TTC3: variants seen among roughly 807,000 people sequenced by gnomAD.
The protein encoded by TTC3 is tetratricopeptide repeat domain 3, also known as E3 ubiquitin-protein ligase TTC3.
A neutral mutation model predicts 249.6 loss-of-function variants in TTC3; 180 were observed. The observed-to-expected ratio is 0.72, with a 90% CI of 0.64 to 0.82. TTC3 has a LOEUF of 0.82. TTC3 is among the 40% of genes least tolerant of loss of function. TTC3 has a pLI of 0.00. For synonymous variants in TTC3, 717 were observed against 805.0 expected (o/e 0.89, Z 1.85); for missense variants, 2,061 against 2,398.4 (o/e 0.86, Z 2.94).
chr21:37,164,505 A>AT (rs1382395166), intron 32 of TTC3, among the ~76,000 whole-genome samples: 1 of 74,068 alleles, frequency 1.4e-5, no homozygotes, highest in Non-Finnish European at 2.6e-5. Flanking sequence ...TGCCTGGCTA[A>AT]TTTTTGTATT....
intron 7 of TTC3, among the ~76,000 whole-genome samples, chr21:37,091,788 C>T (rs548058618): frequency 4.5e-4 from 69 of 152,120 alleles, no homozygotes; most frequent in Non-Finnish European, 9.4e-4. Context: ...TCACCGTGTT[C>T]ACCAGGTTGA....
chr21:37,101,933 AG>A (rs2074547254), intron 10 of TTC3, among the ~76,000 whole-genome samples: 1 of 136,422 alleles, frequency 7.3e-6, no homozygotes, highest in South Asian at 2.3e-4. Context: ...TATATATATT[AG>A]TTTATATTAG....
At chr21:37,126,492 T>C (rs1478769639) in intron 15 of TTC3, among the ~76,000 whole-genome samples, 1 of 152,210 alleles carries the variant, frequency 6.6e-6, no homozygotes, top group East Asian at 1.9e-4. Flanking sequence ...TAGACCTTTT[T>C]AAATCTAATT....
intron 15 of TTC3, 73 bp from the exon 16 acceptor site, chr21:37,128,929 TA>T (rs895688090): frequency 3.9e-4 from 465 of 1,183,030 alleles, no homozygotes; most frequent in Non-Finnish European, 5.2e-4. Flanking sequence ...ATTTATATTT[TA>T]AAAATAGTTT....
chr21:37,134,644 A>G (rs2077767781), intron 17 of TTC3, among the ~76,000 whole-genome samples: 1 of 152,166 alleles, frequency 6.6e-6, no homozygotes, highest in Non-Finnish European at 1.5e-5. Context: ...TTTAGGCTTA[A>G]TGTCTAGCCT....
At chr21:37,088,117 T>G in intron 3 of TTC3, 79 bp from the exon 4 acceptor site, 1 of 1,278,698 alleles carries the variant, frequency 7.8e-7, no homozygotes, top group Non-Finnish European at 1.1e-6. Context: ...ATATCCATTT[T>G]TGCCTTTTTA....
chr21:37,097,120 A>G (rs2074019150), intron 10 of TTC3, among the ~76,000 whole-genome samples: 1 of 152,198 alleles, frequency 6.6e-6, no homozygotes, highest in African/African-American at 2.4e-5. Flanking sequence ...AATTAAGTAA[A>G]TATCCTTCAT....
intron 40 of TTC3, 150 bp from the exon 41 acceptor site, chr21:37,191,962 T>C (rs2084186775): frequency 9.3e-6 from 5 of 536,122 alleles, no homozygotes; most frequent in Admixed American, 3.6e-5. Flanking sequence ...AGAGGAGTTA[T>C]GTTTGAAAAG....
chr21:37,197,343 G>A (rs1040609915), intron 42 of TTC3, among the ~76,000 whole-genome samples: 61 of 151,450 alleles, frequency 4.0e-4, no homozygotes, highest in Admixed American at 9.2e-4. Flanking sequence ...AGCAGGGATC[G>A]CGCCACTGCC....
intron 15 of TTC3, among the ~76,000 whole-genome samples, chr21:37,128,362 A>G (rs1246496573): frequency 6.6e-6 from 1 of 152,218 alleles, no homozygotes; most frequent in Non-Finnish European, 1.5e-5. Flanking sequence ...TCTGAAGCTA[A>G]GGGTCTGTAA....
chr21:37,148,761 A>G, intron 23 of TTC3, 114 bp downstream of exon 23: 1 of 653,826 alleles, frequency 1.5e-6, no homozygotes, highest in African/African-American at 1.9e-5. Context: ...TTAAATTATA[A>G]CTTTAATAAT....
intron 9 of TTC3, among the ~76,000 whole-genome samples, chr21:37,095,668 G>A (rs2073865052): frequency 6.6e-6 from 1 of 152,172 alleles, no homozygotes; most frequent in Non-Finnish European, 1.5e-5. Flanking sequence ...TGAATTTTCT[G>A]TTCCATTTTC....
At chr21:37,167,530 A>G (rs1472869923) in intron 33 of TTC3, 25 bp from the exon 34 acceptor site, 1 of 1,419,722 alleles carries the variant, frequency 7.0e-7, no homozygotes, top group East Asian at 2.6e-5. Context: ...GATAAAGTGA[A>G]TTTTATTTTT....
chr21:37,088,400 A>G, intron 4 of TTC3, 54 bp downstream of exon 4: 2 of 1,544,886 alleles, frequency 1.3e-6, no homozygotes, highest in Non-Finnish European at 1.8e-6. Context: ...CATGTTACCC[A>G]ATACCAAGAA....
chr21:37,104,607 A>AAAGAAAG (rs2074888731), intron 10 of TTC3, among the ~76,000 whole-genome samples: 1 of 150,334 alleles, frequency 6.7e-6, no homozygotes, highest in South Asian at 2.1e-4. Context: ...AAAAAAAAAA[A>AAAGAAAG]AAGAAAGAAG....
chr21:37,166,478 G>A lies in TTC3; in HGVS notation c.4264G>A (p.Gly1422Ser), dbSNP rs749129813. The A allele has an allele frequency of 1.4e-5, 22 of 1,614,072 alleles. No individual in the cohort carries two copies. The South Asian group carries it at 2.3e-4, about 17-fold the overall frequency. Residue 1422 changes from glycine to serine, a missense_variant, in exon 33 of 46, where the codon GGT becomes AGT. Physicochemically the swap from Gly to Ser is moderately conservative, Grantham distance 56. Transcript: ENST00000355666. ...ATCTGTAAAGTCACACTGCAGCACA[G>A]GTGATGCTCATACAGTCCTGAGTGA...
chr21:37,100,577 C>G (rs1327094612), intron 10 of TTC3, among the ~76,000 whole-genome samples: 1 of 152,150 alleles, frequency 6.6e-6, no homozygotes, highest in Non-Finnish European at 1.5e-5. Context: ...TAAATCCAAC[C>G]ACTTTTGGGT....
chr21:37,093,148 C>T lies in TTC3; in HGVS notation c.602-857C>T, dbSNP rs962988985. ...ATCTCAACACTTTGGGAGGCCGAGG[C>T]GGGTGGATCACGAGGTCAGGAGATC... On this transcript the variant is annotated intron_variant, in intron 7 of 45. Coordinates refer to ENST00000355666, the Ensembl canonical transcript of TTC3. Among the ~76,000 whole-genome samples, 97 of 151,938 alleles carry T rather than the reference C, an allele frequency of 6.4e-4. 1 individual carries two copies. The highest frequency in any genetic ancestry group is 1.8e-4 in the Non-Finnish European group (12 of 67,974).
chr21:37,143,511 A>G lies in TTC3; in HGVS notation c.1773-1014A>G, dbSNP rs1214696729. ...GAAAAAATGCTCATCATCACTGGCC[A>G]TCAGAGAAATGCAAATCAAAACCAC... On this transcript the variant is annotated intron_variant, in intron 20 of 45. Coordinates refer to ENST00000355666, the Ensembl canonical transcript of TTC3. Among the ~76,000 whole-genome samples the G allele has an allele frequency of 3.3e-5, 5 of 152,178 alleles. No homozygotes were observed. The East Asian group carries it at 9.6e-4, about 29-fold the overall frequency.
Sources: allele counts gnomAD v4.1 joint callset (sites outside exome capture counted in the v4.1 genomes callset), GRCh38; gene constraint gnomAD v4.1.1; transcripts MANE v1.5; gene names NCBI Gene and HGNC (gene_info 2026-07-23, HGNC 2026-07-21).